The following IQCB1 variants were observed in gnomAD, a reference collection of about 807,000 sequenced individuals.
IQCB1 encodes the protein IQ motif containing B1.
In IQCB1, 56 loss-of-function variants were observed where a neutral mutation model predicts 84.4. The ratio of observed to expected loss-of-function variants is 0.66; its 90% CI spans 0.54 to 0.83. The LOEUF (loss-of-function observed/expected upper bound fraction) is 0.83. Among genes scored for constraint, IQCB1 ranks in the 40% least tolerant of loss-of-function variants. The pLI is 0.00. For synonymous variants in IQCB1, 210 were observed against 234.8 expected, an observed-to-expected ratio of 0.89 and a Z score of 0.96; for missense variants, 629 against 682.1, an observed-to-expected ratio of 0.92 and a Z score of 0.87.
rs543709776 is a variant in IQCB1, at chr3:121,772,034, C to T, written c.1567+523G>A. Among the ~76,000 whole-genome samples the T allele has an allele frequency of 5.3e-5, 8 of 152,016 alleles. No individual in the cohort carries two copies. The East Asian group carries it at 9.7e-4, about 18-fold the overall frequency. ...ACTAAAACTACAAAAATTAGCTGGGCGTGGTGGTGCGCACCTGTAGTCCCA... is the reference window on the plus strand; with the variant it reads ...ACTAAAACTACAAAAATTAGCTGGGTGTGGTGGTGCGCACCTGTAGTCCCA... On this transcript the variant is annotated intron_variant, in intron 14 of 14. Coordinates refer to ENST00000310864, the MANE Select transcript of IQCB1 (RefSeq NM_001023570.4).
Position 121,808,971 on chromosome 3 carries a change from A to G in IQCB1, c.432T>C (p.Ile144=), listed in dbSNP as rs1379558481. ...AAAGCCAGAAGAGAGAATCAGTCAC[A>G]ATTTGGAAAAAGTGTAGTAATTCAT... ...EKDELLHFFQ[I]VTDSLFWLLG... is the part of the protein sequence containing the mutation. The change falls in exon 6 of 15, where the codon ATT becomes ATC. Residue 144 remains isoleucine, a synonymous_variant. Transcript: ENST00000310864. 1 of 1,610,594 alleles carries G rather than the reference A, an allele frequency of 6.2e-7. No individual in the cohort carries two copies. The highest frequency in any genetic ancestry group is 1.3e-5 in the African/African-American group (1 of 74,824).
intron 9 of IQCB1, among the ~76,000 whole-genome samples, chr3:121,796,459 T>C (rs914125034): frequency 6.6e-6 from 1 of 152,126 alleles, no homozygotes; most frequent in Non-Finnish European, 1.5e-5. Context: ...TGCCTCTTCC[T>C]GTTGAATGGG....
intron 5 of IQCB1, among the ~76,000 whole-genome samples, chr3:121,809,906 G>T (rs1378063675): frequency 6.7e-6 from 1 of 149,942 alleles, no homozygotes; most frequent in African/African-American, 2.5e-5. Context: ...AATATCCTAG[G>T]AATATTCTAG....
At chr3:121,801,810 C>CTTTTTT (rs5852277) in intron 7 of IQCB1, among the ~76,000 whole-genome samples, 113 of 89,730 alleles carry the variant, frequency 1.3e-3, no homozygotes, top group Admixed American at 2.0e-3. Context: ...GCTGCAAGGC[C>CTTTTTT]TTTTTTTTTT....
At chr3:121,805,197 A>G (rs1949559657) in intron 7 of IQCB1, among the ~76,000 whole-genome samples, 1 of 152,178 alleles carries the variant, frequency 6.6e-6, no homozygotes, top group South Asian at 2.1e-4. Context: ...CCAGTACTTC[A>G]GTACCAGTAA....
intron 5 of IQCB1, among the ~76,000 whole-genome samples, chr3:121,810,402 T>G (rs1949780156): frequency 6.6e-6 from 1 of 152,164 alleles, no homozygotes; most frequent in Non-Finnish European, 1.5e-5. Flanking sequence ...TGTGGTTAAG[T>G]GGCCTTACTT....
At position 121,772,656 on chromosome 3, in the gene IQCB1, G is replaced by A; in HGVS notation, c.1468C>T (p.Leu490=). 1 of 1,614,226 alleles carries A rather than the reference G, an allele frequency of 6.2e-7. No homozygotes were observed. Among genetic ancestry groups the A allele is most frequent in the Non-Finnish European group, 8.5e-7 (1 of 1,180,040 alleles). ...GCCCTGCCCATAAAGTAGTGTTGCA[G>A]TCGTTCTTGAGCTTGGGCATGGAGC... is the stretch of plus-strand genomic sequence containing the variant. The part of the protein sequence containing the change: ...RELHAQAQER[L]QHYFMGRALE... The change falls in exon 14 of 15, where the codon CTG becomes TTG. Residue 490 remains leucine (L), a synonymous_variant. Transcript: ENST00000310864.
chr3:121,795,179 A>G (rs1447409721), intron 10 of IQCB1, among the ~76,000 whole-genome samples: 1 of 152,074 alleles, frequency 6.6e-6, no homozygotes, highest in Admixed American at 6.5e-5. Flanking sequence ...GTTTAATAAT[A>G]TAACTATCAT....
chr3:121,816,355 C>T (rs1313040252), intron 5 of IQCB1, among the ~76,000 whole-genome samples: 1 of 152,096 alleles, frequency 6.6e-6, no homozygotes, highest in Non-Finnish European at 1.5e-5. Context: ...AGGACATAGG[C>T]ATAGGCAAAG....
chr3:121,777,909 A>C lies in IQCB1; in HGVS notation c.1410+3834T>G, dbSNP rs867253773. On this transcript the variant is annotated intron_variant, in intron 13 of 14. Coordinates refer to ENST00000310864, the MANE Select transcript of IQCB1 (RefSeq NM_001023570.4). Reference sequence around the variant, plus strand: ...ATACGTCTGTTCATGTTTCTTGCCCACTTTTTTTTTTTTTTTGAGACAGGG... The same window carrying C: ...ATACGTCTGTTCATGTTTCTTGCCCCCTTTTTTTTTTTTTTTGAGACAGGG... 3.9e-3 allele frequency among the ~76,000 whole-genome samples: 560 copies of C among 144,562 alleles called. 4 individuals carry two copies. The highest frequency in any genetic ancestry group is 0.013 in the African/African-American group (513 of 39,824). 94.8% of individuals were successfully genotyped at this position (144,562 alleles called of 152,430 possible). A position where few individuals can be genotyped will look rare whatever the true frequency, so the allele number is the denominator to read the frequency against.
chr3:121,828,425 A>C (rs1256268616), intron 4 of IQCB1, 45 bp downstream of exon 4: 2 of 1,527,492 alleles, frequency 1.3e-6, no homozygotes, highest in South Asian at 2.2e-5. Flanking sequence ...ATCAGAATCA[A>C]CTACTACATC....
intron 11 of IQCB1, among the ~76,000 whole-genome samples, chr3:121,788,751 T>C (rs1948837051): frequency 6.6e-6 from 1 of 151,804 alleles, no homozygotes. Context: ...AGTCATTCAG[T>C]ACCACCAGAG....
intron 13 of IQCB1, among the ~76,000 whole-genome samples, chr3:121,779,037 T>G (rs919439343): frequency 6.6e-6 from 1 of 152,140 alleles, no homozygotes; most frequent in Non-Finnish European, 1.5e-5. Flanking sequence ...ACATGCACCT[T>G]GTGCACATGT....
At chr3:121,773,235 A>G (rs1948079542) in intron 13 of IQCB1, among the ~76,000 whole-genome samples, 1 of 147,420 alleles carries the variant, frequency 6.8e-6, no homozygotes, top group African/African-American at 2.5e-5. Context: ...AATTACTTGA[A>G]CCTGGGAGGC....
chr3:121,790,241 A>G lies in IQCB1; in HGVS notation c.987-26T>C, dbSNP rs766804319. ...CTGTGATGGAAACAGTGTGTTATAC[A>G]TAATTTTCATAAATCATATGAAAAA... On this transcript the variant is annotated intron_variant, in intron 10 of 14. Coordinates refer to ENST00000310864, the MANE Select transcript of IQCB1 (RefSeq NM_001023570.4). 97 of 1,606,606 alleles carry G rather than the reference A, an allele frequency of 6.0e-5. No homozygotes were observed. The South Asian group carries it at 9.7e-4, about 16-fold the overall frequency.
intron 7 of IQCB1, among the ~76,000 whole-genome samples, chr3:121,801,392 T>C (rs919846231): frequency 2.0e-5 from 3 of 152,044 alleles, no homozygotes; most frequent in Non-Finnish European, 4.4e-5. Flanking sequence ...CTACCTATAC[T>C]CAACATAACC....
chr3:121,797,253 A>G (rs780252496), intron 8 of IQCB1, 26 bp from the exon 9 acceptor site: 3 of 993,192 alleles, frequency 3.0e-6, no homozygotes, highest in Non-Finnish European at 4.8e-6. Flanking sequence ...AAAAGGTACA[A>G]CTATTATTAT....
chr3:121,771,271 C>T (rs998180609), intron 14 of IQCB1, among the ~76,000 whole-genome samples: 5 of 152,078 alleles, frequency 3.3e-5, no homozygotes, highest in Non-Finnish European at 7.4e-5. Context: ...CGTGCCCGGC[C>T]ATTTCTGTGT....
chr3:121,817,906 G>T (rs1479270515), intron 5 of IQCB1, among the ~76,000 whole-genome samples: 1 of 152,018 alleles, frequency 6.6e-6, no homozygotes, highest in Non-Finnish European at 1.5e-5. Flanking sequence ...ACAAACACAA[G>T]CAGGAGGTCA....
Sources: allele counts gnomAD v4.1 joint callset (sites outside exome capture counted in the v4.1 genomes callset), GRCh38; gene constraint gnomAD v4.1.1; transcripts MANE v1.5; gene names NCBI Gene and HGNC (gene_info 2026-07-23, HGNC 2026-07-21).